ADAMTSL3: variants seen among roughly 807,000 people sequenced by gnomAD.
The protein encoded by ADAMTSL3 is ADAMTS like 3, also known as ADAMTS-like protein 3.
ADAMTSL3 carries 128 observed loss-of-function variants against 201.7 expected under a neutral mutation model. The observed-to-expected ratio is 0.63, with a 90% CI of 0.55 to 0.73. The LOEUF (loss-of-function observed/expected upper bound fraction) is 0.73, where lower values mean the gene tolerates loss of function less well. Among genes scored for constraint, ADAMTSL3 ranks in the 30% least tolerant of loss-of-function variants. The probability of loss-of-function intolerance (pLI) is 0.00; values close to 1 mark genes in which losing one functional copy is unlikely to be tolerated. For missense variants in ADAMTSL3, 1,990 were observed against 2,119.6 expected, an observed-to-expected ratio of 0.94 and a Z score of 1.20; for synonymous variants, 738 against 748.4, an observed-to-expected ratio of 0.99 and a Z score of 0.23.
At chr15:83,842,511 C>T (rs895252237) in intron 7 of ADAMTSL3, among the ~76,000 whole-genome samples, 1 of 152,278 alleles carries the variant, frequency 6.6e-6, no homozygotes, top group Non-Finnish European at 1.5e-5. Flanking sequence ...GCAAGCCACT[C>T]CTCCTGTTGC....
intron 23 of ADAMTSL3, among the ~76,000 whole-genome samples, chr15:84,012,416 G>T (rs1355422234): frequency 6.6e-6 from 1 of 152,066 alleles, no homozygotes; most frequent in African/African-American, 2.4e-5. Context: ...AGCTTTTAGA[G>T]GCCACCTGCA....
At chr15:83,810,990 C>T (rs374931261) in intron 5 of ADAMTSL3, among the ~76,000 whole-genome samples, 5 of 152,258 alleles carry the variant, frequency 3.3e-5, no homozygotes, top group Admixed American at 6.5e-5. Context: ...CCGCCCACTT[C>T]GGCCTCCCAA....
chr15:83,742,198 C>G (rs907069650), intron 3 of ADAMTSL3, among the ~76,000 whole-genome samples: 10 of 152,026 alleles, frequency 6.6e-5, no homozygotes, highest in Non-Finnish European at 1.0e-4. Flanking sequence ...AATCTAGCCA[C>G]TTGTAAATTG....
intron 23 of ADAMTSL3, among the ~76,000 whole-genome samples, chr15:83,996,780 CAAAAAAAAA>C (rs35758954): frequency 3.8e-4 from 13 of 33,852 alleles, no homozygotes; most frequent in East Asian, 3.1e-3. Flanking sequence ...GACTCTGCCT[CAAAAAAAAA>C]AAAAAAAAAA....
At chr15:83,668,953 C>T (rs2061286745) in intron 2 of ADAMTSL3, among the ~76,000 whole-genome samples, 1 of 152,138 alleles carries the variant, frequency 6.6e-6, no homozygotes, top group Non-Finnish European at 1.5e-5. Context: ...CTGCTTATGT[C>T]ATTTCTGCTA....
intron 19 of ADAMTSL3, among the ~76,000 whole-genome samples, chr15:83,970,240 G>A (rs544143923): frequency 1.3e-5 from 2 of 151,908 alleles, no homozygotes; most frequent in East Asian, 3.9e-4. Context: ...GAGGGCGGTA[G>A]AGAGGACATG....
At position 83,678,819 on chromosome 15, in the gene ADAMTSL3, AATATAAATAT is replaced by A. The variant is rs1405108947; in HGVS notation, c.69+23005_69+23014del. 4.8e-3 allele frequency among the ~76,000 whole-genome samples: 379 copies of A among 78,966 alleles called. 1 individual carries two copies. Among genetic ancestry groups the A allele is most frequent in the African/African-American group, 0.016 (358 of 22,108 alleles). 51.8% of individuals were successfully genotyped at this position (78,966 alleles called of 152,430 possible). A position where few individuals can be genotyped will look rare whatever the true frequency, so the allele number is the denominator to read the frequency against. On this transcript the variant is annotated intron_variant, in intron 2 of 29. Transcript: ENST00000286744. The stretch of plus-strand genomic sequence containing the variant: ...TATAATATATATTTATATAATATAA[AATATAAATAT>A]ATATAAATATATATATAAAATATAA...
rs140564099 is a variant in ADAMTSL3 at position 83,966,834 on chromosome 15, C to T, written c.2491-3650C>T. Among the ~76,000 whole-genome samples the T allele has an allele frequency of 6.8e-3, 1,042 of 152,212 alleles. 9 individuals carry two copies. The highest frequency in any genetic ancestry group is 0.017 in the Admixed American group (261 of 15,274). ...AGCACATCAAAAAGATTATCCACCA[C>T]GATCAAGTCAGCTTCCTCCCTGGGA... is the stretch of plus-strand genomic sequence containing the variant. On this transcript the variant is annotated intron_variant, in intron 19 of 29. Transcript: ENST00000286744.
intron 2 of ADAMTSL3, among the ~76,000 whole-genome samples, chr15:83,666,011 A>G (rs2061243718): frequency 6.6e-6 from 1 of 152,214 alleles, no homozygotes; most frequent in African/African-American, 2.4e-5. Context: ...ATAAAAATGT[A>G]GAAAACACAG....
At chr15:84,026,389 C>T (rs1189636573) in intron 27 of ADAMTSL3, among the ~76,000 whole-genome samples, 4 of 152,148 alleles carry the variant, frequency 2.6e-5, no homozygotes. Context: ...AATTTATCTA[C>T]AAATTCAATG....
intron 4 of ADAMTSL3, among the ~76,000 whole-genome samples, chr15:83,795,859 C>T (rs1404664176): frequency 6.6e-6 from 1 of 152,030 alleles, no homozygotes; most frequent in African/African-American, 2.4e-5. Flanking sequence ...GCATAGGATT[C>T]CTGTCGATAG....
At chr15:83,695,141 G>GTA (rs1457739585) in intron 2 of ADAMTSL3, among the ~76,000 whole-genome samples, 4 of 126,552 alleles carry the variant, frequency 3.2e-5, no homozygotes, top group Admixed American at 8.3e-5. Flanking sequence ...GTATATTTGT[G>GTA]GTGTAGGTAT....
At chr15:83,676,689 CAAT>C (rs1205669335) in intron 2 of ADAMTSL3, among the ~76,000 whole-genome samples, 5 of 152,184 alleles carry the variant, frequency 3.3e-5, no homozygotes, top group Non-Finnish European at 7.3e-5. Flanking sequence ...ACAACAACAA[CAAT>C]AACAAAATCC....
In ADAMTSL3 at chr15:83,895,866, A is replaced by T. The variant is rs1400345856; in HGVS notation, c.1468-1992A>T. 2.0e-5 allele frequency among the ~76,000 whole-genome samples: 3 copies of T among 152,158 alleles called. No homozygotes were observed. In the East Asian group the frequency reaches 5.8e-4, roughly 29 times the overall value. ...ATCTCAAGCTTCGCTGAACTCATTA[A>T]AGTATTTGTTCAGTGGTTTCAAGAG... On this transcript the variant is annotated intron_variant, in intron 13 of 29. Transcript: ENST00000286744.
At chr15:83,939,081 C>T (rs111663685) in intron 17 of ADAMTSL3, among the ~76,000 whole-genome samples, 4 of 152,142 alleles carry the variant, frequency 2.6e-5, no homozygotes, top group African/African-American at 9.7e-5. Context: ...GTCGTAGACA[C>T]TGATTGATTT....
At chr15:83,906,599 ATATATT>A (rs2065836693) in intron 15 of ADAMTSL3, among the ~76,000 whole-genome samples, 3 of 102,954 alleles carry the variant, frequency 2.9e-5, no homozygotes, top group Admixed American at 1.2e-4. Flanking sequence ...ATATGTATCT[ATATATT>A]TATATAGTGC....
chr15:83,747,345 C>T (rs950909528), intron 3 of ADAMTSL3, among the ~76,000 whole-genome samples: 1 of 152,208 alleles, frequency 6.6e-6, no homozygotes, highest in African/African-American at 2.4e-5. Context: ...GTTGAAACAA[C>T]ATTTCATTAT....
intron 3 of ADAMTSL3, among the ~76,000 whole-genome samples, chr15:83,756,177 T>G (rs1040091906): frequency 3.9e-5 from 6 of 152,252 alleles, no homozygotes; most frequent in African/African-American, 1.4e-4. Flanking sequence ...TGTACCATTT[T>G]ACATTCCCAC....
chr15:83,892,375 C>G (rs112685174), intron 12 of ADAMTSL3, among the ~76,000 whole-genome samples: 39 of 144,864 alleles, frequency 2.7e-4, no homozygotes, highest in African/African-American at 9.2e-4. Flanking sequence ...ACTAAAAATA[C>G]AAAAATTAGC....
Sources: allele counts gnomAD v4.1 joint callset (sites outside exome capture counted in the v4.1 genomes callset), GRCh38; gene constraint gnomAD v4.1.1; transcripts MANE v1.5; gene names NCBI Gene and HGNC (gene_info 2026-07-23, HGNC 2026-07-21).